Variants in CD99 observed in about 807,000 individuals in gnomAD.
CD99 encodes CD99 antigen.
A neutral mutation model predicts 28.4 loss-of-function variants in CD99; 19 were observed. That is an observed-to-expected ratio of 0.67 (90% confidence interval 0.47 to 0.98). CD99 has a LOEUF of 0.98. CD99 is among the 50% of genes least tolerant of loss of function. The pLI is 0.00. For missense variants in CD99, 283 were observed against 248.8 expected (o/e 1.14, Z -0.92); for synonymous variants, 103 against 92.1 (o/e 1.12, Z -0.67).
At chrX:2,705,669 C>T (rs5982577) in intron 1 of CD99, among the ~76,000 whole-genome samples, 5,918 of 152,086 alleles carry the variant, frequency 0.039, 132 homozygotes, top group African/African-American at 0.056. Context: ...TAATTGCAGT[C>T]GCCATGGTGT....
At chrX:2,718,916 C>T (rs1186471838) in intron 3 of CD99, among the ~76,000 whole-genome samples, 1 of 152,128 alleles carries the variant, frequency 6.6e-6, no homozygotes. Context: ...GACCCTGTGT[C>T]CCCAGATCCT....
chrX:2,735,998 C>T (rs754047269), intron 8 of CD99, among the ~76,000 whole-genome samples: 8 of 151,924 alleles, frequency 5.3e-5, no homozygotes, highest in Non-Finnish European at 8.8e-5. Flanking sequence ...GTCAGGAGAT[C>T]GAGACCATCC....
chrX:2,707,838 T>C (rs983743277), intron 1 of CD99, among the ~76,000 whole-genome samples: 7 of 152,106 alleles, frequency 4.6e-5, no homozygotes, highest in Non-Finnish European at 2.9e-5. Flanking sequence ...TTCTTCACAT[T>C]TGTAGCCCCG....
chrX:2,701,256 C>T (rs1286899975), intron 1 of CD99, among the ~76,000 whole-genome samples: 1 of 152,214 alleles, frequency 6.6e-6, no homozygotes, highest in African/African-American at 2.4e-5. Flanking sequence ...CCCACCCACC[C>T]ATCCATCCAC....
intron 8 of CD99, chrX:2,727,359 T>A: frequency 1.3e-6 from 1 of 778,648 alleles, no homozygotes. Context: ...TAAGCCCTGC[T>A]ATTTGGAACA....
chrX:2,710,051 A>G (rs1479039139), intron 1 of CD99, among the ~76,000 whole-genome samples: 2 of 152,098 alleles, frequency 1.3e-5, no homozygotes, highest in Non-Finnish European at 1.5e-5. Flanking sequence ...GTGCCCTGCG[A>G]TTTTGCAGCT....
At chrX:2,697,973 G>A (rs2047654514) in intron 1 of CD99, among the ~76,000 whole-genome samples, 1 of 151,754 alleles carries the variant, frequency 6.6e-6, no homozygotes, top group Non-Finnish European at 1.5e-5. Context: ...TGCCGAGGTG[G>A]CAATGAAGGT....
chrX:2,703,558 G>C (rs764449570), intron 1 of CD99, among the ~76,000 whole-genome samples: 1 of 151,336 alleles, frequency 6.6e-6, no homozygotes, highest in Non-Finnish European at 1.5e-5. Flanking sequence ...TTTATAAAAC[G>C]TAACTGCTTT....
intron 1 of CD99, among the ~76,000 whole-genome samples, chrX:2,702,015 G>C (rs1246578220): frequency 6.6e-6 from 1 of 152,174 alleles, no homozygotes; most frequent in Non-Finnish European, 1.5e-5. Context: ...TAATTAGCCT[G>C]GGCATCAGGA....
At chrX:2,699,590 C>G (rs2124477348) in intron 1 of CD99, among the ~76,000 whole-genome samples, 1 of 152,034 alleles carries the variant, frequency 6.6e-6, no homozygotes, top group African/African-American at 2.4e-5. Context: ...TCTGCCTCAG[C>G]CTCCCTCAGG....
At chrX:2,704,658 A>G (rs1212618188) in intron 1 of CD99, among the ~76,000 whole-genome samples, 1 of 152,066 alleles carries the variant, frequency 6.6e-6, no homozygotes, top group East Asian at 1.9e-4. Context: ...CCCTGACCTC[A>G]GTGATCTGCC....
chrX:2,699,631 A>T (rs1351408324), intron 1 of CD99, among the ~76,000 whole-genome samples: 7 of 151,712 alleles, frequency 4.6e-5, no homozygotes, highest in Non-Finnish European at 8.8e-5. Context: ...CAAATTTTTC[A>T]TTTTTTGTAG....
chrX:2,700,932 CCCAACCATCCATCCAT>C, intron 1 of CD99, among the ~76,000 whole-genome samples: 1 of 148,234 alleles, frequency 6.7e-6, no homozygotes, highest in Non-Finnish European at 1.5e-5. Context: ...CATCCATCCA[CCCAACCATCCATCCAT>C]ACCTCCATCC....
At chrX:2,712,718 G>A (rs1288402671) in intron 1 of CD99, among the ~76,000 whole-genome samples, 2 of 152,046 alleles carry the variant, frequency 1.3e-5, no homozygotes, top group Non-Finnish European at 2.9e-5. Flanking sequence ...TGTTCCGAGC[G>A]TTTTGTCTAC....
At chrX:2,691,599 T>C (rs1186995379) in intron 1 of CD99, 172 bp downstream of exon 1, 2 of 747,664 alleles carry the variant, frequency 2.7e-6, no homozygotes, top group African/African-American at 1.7e-5. Context: ...GGCGCCCACT[T>C]TCTCCCCAAC....
intron 8 of CD99, among the ~76,000 whole-genome samples, chrX:2,731,449 G>A (rs145630953): frequency 0.012 from 1,898 of 152,258 alleles, 37 homozygotes; most frequent in African/African-American, 0.043. Flanking sequence ...AATTAGCCAG[G>A]CATGGTGGTG....
chrX:2,738,315 T>A, intron 9 of CD99, 59 bp downstream of exon 9: 1 of 1,490,392 alleles, frequency 6.7e-7, no homozygotes, highest in South Asian at 1.1e-5. Flanking sequence ...TTTTATCTTC[T>A]CCATCCTCTC....
intron 1 of CD99, among the ~76,000 whole-genome samples, chrX:2,706,151 A>AT (rs1270080387): frequency 6.6e-6 from 1 of 151,522 alleles, no homozygotes; most frequent in African/African-American, 2.4e-5. Flanking sequence ...CGAGTTCAGG[A>AT]GATCGAGACC....
intron 1 of CD99, among the ~76,000 whole-genome samples, chrX:2,700,665 A>G (rs967937485): frequency 1.1e-4 from 16 of 150,316 alleles, no homozygotes; most frequent in Non-Finnish European, 2.4e-4. Flanking sequence ...CCATCCATGC[A>G]TCATCCATGC....
Sources: gnomAD v4.1 joint callset for allele counts (sites outside exome capture counted in the v4.1 genomes callset) on GRCh38, gnomAD v4.1.1 for gene constraint, MANE v1.5 for transcripts, NCBI Gene and HGNC (gene_info 2026-07-23, HGNC 2026-07-21) for gene names.